The following CDH7 variants were observed in gnomAD, a reference collection of about 807,000 sequenced individuals.
CDH7 encodes the protein cadherin 7.
Under a neutral mutation model 71.8 loss-of-function variants are expected in CDH7, and 25 were observed. The ratio of observed to expected loss-of-function variants is 0.35; its 90% CI spans 0.25 to 0.49. The LOEUF (loss-of-function observed/expected upper bound fraction) is 0.49, where lower values mean the gene tolerates loss of function less well. Among genes scored for constraint, CDH7 ranks in the 20% least tolerant of loss-of-function variants. The probability of loss-of-function intolerance (pLI) is 0.99; values close to 1 mark genes in which losing one functional copy is unlikely to be tolerated. For missense variants in CDH7, 862 were observed against 974.6 expected (o/e 0.88, Z 1.54); for synonymous variants, 381 against 363.8 (o/e 1.05, Z -0.54).
intron 6 of CDH7, among the ~76,000 whole-genome samples, chr18:65,837,993 C>T (rs1017973027): frequency 1.4e-5 from 2 of 144,112 alleles, no homozygotes; most frequent in Admixed American, 1.4e-4. Flanking sequence ...GGTACAATCT[C>T]GGCTCACTGC....
chr18:65,833,169 A>G (rs914663709), intron 6 of CDH7, among the ~76,000 whole-genome samples: 3 of 152,198 alleles, frequency 2.0e-5, no homozygotes, highest in African/African-American at 7.2e-5. Context: ...TCTACCTGCC[A>G]TTCACTGCCC....
Position 65,880,447 on chromosome 18 carries a change from C to T in CDH7, c.1911C>T (p.Pro637=), listed in dbSNP as rs1244474779. The change falls in exon 12 of 12, where the codon CCC becomes CCT. Residue 637 remains proline (P), a synonymous_variant. Coordinates refer to ENST00000397968, the MANE Select transcript of CDH7 (RefSeq NM_004361.5). ...CTATGAGAAGACGGAAAAAAGAGCC[C>T]CTTATTTTTGACGAAGAAAGAGACA... is the stretch of plus-strand genomic sequence containing the variant. ...IVTMRRRKKE[P]LIFDEERDIR... 6.4e-7 allele frequency: 1 copy of T among 1,572,100 alleles called. No homozygotes were observed. The highest frequency in any genetic ancestry group is 1.4e-5 in the African/African-American group (1 of 72,688).
rs111368263 is a variant in CDH7, at chr18:65,827,396, A to G, written c.981+2565A>G. On this transcript the variant is annotated intron_variant, in intron 6 of 11. Transcript: ENST00000397968. ...TAGCCAAGGTAAATTTTAATATGTA[A>G]CGAAAGAATTCTTGTTCATCCTGAA... 7.1e-3 allele frequency among the ~76,000 whole-genome samples: 1,084 copies of G among 151,978 alleles called. 13 individuals are homozygous for G. Among genetic ancestry groups the G allele is most frequent in the African/African-American group, 0.024 (1,001 of 41,554 alleles).
intron 1 of CDH7, among the ~76,000 whole-genome samples, chr18:65,757,275 C>A (rs1036534533): frequency 2.0e-5 from 3 of 152,050 alleles, no homozygotes; most frequent in Non-Finnish European, 4.4e-5. Context: ...TAATACACTG[C>A]CACTTAGTTT....
intron 11 of CDH7, among the ~76,000 whole-genome samples, chr18:65,873,004 T>C (rs949137089): frequency 6.6e-6 from 1 of 152,030 alleles, no homozygotes; most frequent in Admixed American, 6.5e-5. Context: ...TAAAACTTAA[T>C]TAGTGCCCAG....
intron 2 of CDH7, among the ~76,000 whole-genome samples, chr18:65,808,556 G>A (rs574106578): frequency 2.6e-5 from 4 of 152,280 alleles, no homozygotes; most frequent in African/African-American, 9.6e-5. Context: ...TGGAAGCAGA[G>A]GATAAACATG....
intron 2 of CDH7, among the ~76,000 whole-genome samples, chr18:65,809,186 C>T (rs1378002723): frequency 6.6e-6 from 1 of 152,094 alleles, no homozygotes; most frequent in African/African-American, 2.4e-5. Context: ...ACTGGACATC[C>T]AGCCACACTC....
chr18:65,782,103 CTTCCTTCTTTCT>C lies in CDH7; in HGVS notation c.210+19055_210+19066del, dbSNP rs1206090905. On this transcript the variant is annotated intron_variant, in intron 2 of 11. Transcript: ENST00000397968. ...CTTTCCTTCCTTCCTTCCTTCCTTCCTTCCTTCTTTCTTTCTTTCTTTCTTTCTTTCTTTCTT... is the reference window on the plus strand; with the variant it reads ...CTTTCCTTCCTTCCTTCCTTCCTTCCTTCTTTCTTTCTTTCTTTCTTTCTT... Among the ~76,000 whole-genome samples, 81 of 30,996 alleles carry C rather than the reference CTTCCTTCTTTCT, an allele frequency of 2.6e-3. 1 individual carries two copies. Among genetic ancestry groups the C allele is most frequent in the South Asian group, 0.014 (11 of 802 alleles). The allele number at this position is 30,996 out of a possible 152,430, so 20.3% of individuals were successfully genotyped here. A position where few individuals can be genotyped will look rare whatever the true frequency, so the allele number is the denominator to read the frequency against.
intron 2 of CDH7, among the ~76,000 whole-genome samples, chr18:65,789,359 G>A (rs1480577920): frequency 2.6e-5 from 4 of 152,192 alleles, no homozygotes; most frequent in Non-Finnish European, 5.9e-5. Context: ...AATACAATCT[G>A]TTTAGGCGTC....
intron 6 of CDH7, among the ~76,000 whole-genome samples, chr18:65,830,667 C>CTTCCT (rs10681635): frequency 0.013 from 1,748 of 135,072 alleles, 33 homozygotes; most frequent in African/African-American, 0.042. Flanking sequence ...CTCTCTCTCT[C>CTTCCT]TTCCTTTCCT....
At position 65,880,763 on chromosome 18, in the gene CDH7, G is replaced by C. The variant is rs1914204269; in HGVS notation, c.2227G>C (p.Glu743Gln). The change falls in exon 12 of 12, where the codon GAA becomes CAA. Residue 743 changes from glutamate to glutamine, a missense_variant. By Grantham distance (29) the Glu-to-Gln change is conservative (BLOSUM62 2). Transcript: ENST00000397968. ...YAFEGNGSVAESLSSLDSISS... is the reference protein window; with the variant it reads ...YAFEGNGSVAQSLSSLDSISS... The stretch of plus-strand genomic sequence containing the variant: ...TTTTGAAGGAAATGGCTCAGTTGCT[G>C]AATCACTCAGCTCTTTAGATTCCAT... 1.2e-6 allele frequency: 2 copies of C among 1,614,068 alleles called. No individual in the cohort carries two copies. The highest frequency in any genetic ancestry group is 1.7e-6 in the Non-Finnish European group (2 of 1,179,988).
intron 10 of CDH7, among the ~76,000 whole-genome samples, chr18:65,860,463 A>G (rs1480741800): frequency 6.6e-6 from 1 of 152,126 alleles, no homozygotes; most frequent in Non-Finnish European, 1.5e-5. Flanking sequence ...CTACAAGTAG[A>G]TTTTAGTTTT....
chr18:65,886,435 T>C lies in CDH7; in HGVS notation c.*5541T>C, dbSNP rs953406114. ...CAGTTATTTATAAGATCTCAGAAGA[T>C]TGCAGTTTAACTCAACATAATTCAA... On this transcript the variant is annotated 3_prime_UTR_variant, in exon 12 of 12. Transcript: ENST00000397968. 1.3e-5 allele frequency: 2 copies of C among 152,100 alleles called. No individual in the cohort carries two copies. The highest frequency in any genetic ancestry group is 2.1e-4 in the South Asian group (1 of 4,834). The allele number at this position is 152,100 out of a possible 1,614,324, so 9.4% of individuals were successfully genotyped here.
At chr18:65,854,932 TACACACAC>T (rs368193462) in intron 7 of CDH7, among the ~76,000 whole-genome samples, 4 of 148,754 alleles carry the variant, frequency 2.7e-5, no homozygotes, top group South Asian at 2.1e-4. Context: ...TATATATATA[TACACACAC>T]ATATATATAC....
At chr18:65,824,150 T>G (rs1042997751) in intron 5 of CDH7, among the ~76,000 whole-genome samples, 11 of 151,754 alleles carry the variant, frequency 7.2e-5, no homozygotes, top group African/African-American at 2.4e-4. Flanking sequence ...CCAGTTTTCT[T>G]ACCCAGTTTT....
intron 2 of CDH7, among the ~76,000 whole-genome samples, chr18:65,771,717 A>T (rs1916548764): frequency 6.6e-6 from 1 of 151,850 alleles, no homozygotes; most frequent in Non-Finnish European, 1.5e-5. Flanking sequence ...AGTTTAACTG[A>T]AGGTTTAGAA....
chr18:65,781,922 TTCTCTCTCTCTCTCTC>T (rs371567785), intron 2 of CDH7, among the ~76,000 whole-genome samples: 1 of 40,662 alleles, frequency 2.5e-5, no homozygotes, highest in African/African-American at 2.3e-4. Flanking sequence ...CTTTCTCTCT[TTCTCTCTCTCTCTCTC>T]TCTCTCTTTC....
chr18:65,889,238 A>C lies in CDH7; in HGVS notation c.*8344A>C, dbSNP rs911254237. The C allele has an allele frequency of 6.6e-6, 1 of 152,160 alleles. No homozygotes were observed. The highest frequency in any genetic ancestry group is 2.4e-5 in the African/African-American group (1 of 41,442). The allele number at this position is 152,160 out of a possible 1,614,324, so 9.4% of individuals were successfully genotyped here. ...TAGTTGGCACACAAGGGTAGGAGAAAAATCCCAACAACCCTTCCACCTTTT... is the reference window on the plus strand; with the variant it reads ...TAGTTGGCACACAAGGGTAGGAGAACAATCCCAACAACCCTTCCACCTTTT... On this transcript the variant is annotated 3_prime_UTR_variant, in exon 12 of 12. Coordinates refer to ENST00000397968, the MANE Select transcript of CDH7 (RefSeq NM_004361.5).
intron 2 of CDH7, among the ~76,000 whole-genome samples, chr18:65,771,353 A>G (rs1041954061): frequency 2.0e-5 from 3 of 152,074 alleles, no homozygotes; most frequent in Admixed American, 1.3e-4. Flanking sequence ...TCAAAAATGT[A>G]TTAGAGCCGT....
Sources: allele counts gnomAD v4.1 joint callset (sites outside exome capture counted in the v4.1 genomes callset), GRCh38; gene constraint gnomAD v4.1.1; transcripts MANE v1.5; gene names NCBI Gene and HGNC (gene_info 2026-07-23, HGNC 2026-07-21).